NOX3: variants seen among roughly 807,000 people sequenced by gnomAD.
NOX3 encodes NADPH oxidase 3.
NOX3 carries 74 observed loss-of-function variants against 76.7 expected under a neutral mutation model. That is an observed-to-expected ratio of 0.96 (90% confidence interval 0.80 to 1.17). The LOEUF (loss-of-function observed/expected upper bound fraction) is 1.17. Among genes scored for constraint, NOX3 ranks in the 50% most tolerant of loss-of-function variants. The pLI is 0.00. For missense variants in NOX3, 695 were observed against 703.3 expected, an observed-to-expected ratio of 0.99 and a Z score of 0.13; for synonymous variants, 263 against 261.1, an observed-to-expected ratio of 1.01 and a Z score of -0.07.
rs557319392 is a variant in NOX3 at position 155,396,540 on chromosome 6, G to A, written c.*27+269C>T. ...CTGAGTGTGTGGATGGTCGATGTGC[G>A]AAAAGTGACTTTTACAATGTTTAAA... is the stretch of plus-strand genomic sequence containing the variant. On this transcript the variant is annotated intron_variant, in intron 13 of 13. Coordinates refer to ENST00000159060, the MANE Select transcript of NOX3 (RefSeq NM_015718.3). 2.8e-3 allele frequency among the ~76,000 whole-genome samples: 422 copies of A among 152,302 alleles called. 4 individuals are homozygous for A. Among genetic ancestry groups the A allele is most frequent in the African/African-American group, 9.4e-3 (390 of 41,564 alleles).
chr6:155,447,109 G>C (rs949481829), intron 4 of NOX3, among the ~76,000 whole-genome samples: 4 of 150,726 alleles, frequency 2.7e-5, no homozygotes, highest in African/African-American at 9.8e-5. Flanking sequence ...GCAATGGCGC[G>C]ATCTCAGCTA....
Position 155,428,888 on chromosome 6 carries a change from C to T in NOX3, c.1051G>A (p.Val351Met), listed in dbSNP as rs149980019. 6.4e-5 allele frequency: 104 copies of T among 1,613,490 alleles called. No individual in the cohort carries two copies. The Middle Eastern group carries it at 8.3e-4, about 13-fold the overall frequency. ...TSAPQEDFFSVHIRAAGDWTA... is the reference protein window; with the variant it reads ...TSAPQEDFFSMHIRAAGDWTA... Reference sequence around the variant, plus strand: ...CAGTCTCCTGCTGCCCGGATGTGCACGCTGAAAAAGTCCTCCTGGGGGGCA... The same window carrying T: ...CAGTCTCCTGCTGCCCGGATGTGCATGCTGAAAAAGTCCTCCTGGGGGGCA... The change falls in exon 9 of 14, where the codon GTG (valine) becomes ATG (methionine). Residue 351 changes from valine (V) to methionine (M), a missense_variant. Val to Met is a conservative substitution (Grantham distance 21, BLOSUM62 1). Transcript: ENST00000159060.
rs1289201144 is a variant in NOX3, at chr6:155,395,526, A to T, written c.*76T>A. ...TGGGAGCTCATATCAACAGGCCGTCACAGGAATTCCTGGTGGAGTTCTTTG... is the reference window on the plus strand; with the variant it reads ...TGGGAGCTCATATCAACAGGCCGTCTCAGGAATTCCTGGTGGAGTTCTTTG... On this transcript the variant is annotated 3_prime_UTR_variant, in exon 14 of 14. Transcript: ENST00000159060. 6.6e-6 allele frequency: 1 copy of T among 152,244 alleles called. No individual in the cohort carries two copies. The highest frequency in any genetic ancestry group is 1.5e-5 in the Non-Finnish European group (1 of 68,034). 9.4% of individuals were successfully genotyped at this position (152,244 alleles called of 1,614,324 possible). A position where few individuals can be genotyped will look rare whatever the true frequency, so the allele number is the denominator to read the frequency against.
At chr6:155,429,092 TAAAG>T in intron 8 of NOX3, 45 bp from the exon 9 acceptor site, 1 of 1,453,888 alleles carries the variant, frequency 6.9e-7, no homozygotes, top group East Asian at 2.5e-5. Flanking sequence ...CTCGAAATAA[TAAAG>T]AAACACCTTT....
At chr6:155,441,914 G>A (rs1727560719) in intron 5 of NOX3, among the ~76,000 whole-genome samples, 1 of 152,152 alleles carries the variant, frequency 6.6e-6, no homozygotes, top group South Asian at 2.1e-4. Context: ...CATAAGGGCA[G>A]CTGTAGTTCT....
In NOX3 at chr6:155,428,777, G is replaced by A. The variant is rs1562465736; in HGVS notation, c.1145+17C>T. The A allele has an allele frequency of 3.4e-6, 5 of 1,470,364 alleles. No homozygotes were observed. The highest frequency in any genetic ancestry group is 3.1e-5 in the South Asian group (2 of 64,582). The allele number at this position is 1,470,364 out of a possible 1,614,324, so 91.1% of individuals were successfully genotyped here. A position where few individuals can be genotyped will look rare whatever the true frequency, so the allele number is the denominator to read the frequency against. On this transcript the variant is annotated intron_variant, in intron 9 of 13. Transcript: ENST00000159060. Reference sequence around the variant, plus strand: ...TTATAATACTGCAATTTATACATGAGAGAAATGGGCACGAACCTTGGCAGG... The same window carrying A: ...TTATAATACTGCAATTTATACATGAAAGAAATGGGCACGAACCTTGGCAGG...
At chr6:155,446,255 G>T (rs938931008) in intron 4 of NOX3, among the ~76,000 whole-genome samples, 7 of 152,056 alleles carry the variant, frequency 4.6e-5, no homozygotes, top group Admixed American at 1.3e-4. Context: ...AGCTGGAAAG[G>T]CTTATCTAGC....
chr6:155,405,125 G>C (rs988833858), intron 12 of NOX3, among the ~76,000 whole-genome samples: 1 of 152,190 alleles, frequency 6.6e-6, no homozygotes, highest in Non-Finnish European at 1.5e-5. Flanking sequence ...AATGAAGCAT[G>C]CTGTCTCTGC....
chr6:155,429,174 C>T (rs1351626055), intron 8 of NOX3, 127 bp from the exon 9 acceptor site: 10 of 870,628 alleles, frequency 1.1e-5, no homozygotes, highest in Middle Eastern at 3.0e-4. Context: ...ATCCCATCTG[C>T]TGTTAGCTCC....
At position 155,411,265 on chromosome 6, in the gene NOX3, T is replaced by A. The variant is rs1358069137; in HGVS notation, c.1404A>T (p.Lys468Asn). ...SLETRMSEQGKTHFLSYHIFL... is the reference protein window; with the variant it reads ...SLETRMSEQGNTHFLSYHIFL... ...ATATATGATAACTCAGAAAGTGAGT[T>A]TTCCCCTGCTCACTCATCCGTGTTT... The change falls in exon 11 of 14, where the codon AAA (lysine) becomes AAT (asparagine). Residue 468 changes from lysine to asparagine, a missense_variant. Transcript: ENST00000159060. 1 of 1,613,992 alleles carries A rather than the reference T, an allele frequency of 6.2e-7. No homozygotes were observed. The highest frequency in any genetic ancestry group is 1.7e-5 in the Admixed American group (1 of 60,008).
rs748689134 is a variant in NOX3, at chr6:155,396,931, T to TAGGTCCACAGA, written c.1601_1611dup (p.Lys538SerfsTer67). On this transcript the variant is annotated frameshift_variant, in exon 13 of 14. Coordinates refer to ENST00000159060, the MANE Select transcript of NOX3 (RefSeq NM_015718.3). LOFTEE classifies it high-confidence loss of function. ...TTTTGAAGTGTCCTCGAGAGAGCTTTAGGTCCACAGAAGAACACGCCAATA... is the reference window on the plus strand; with the variant it reads ...TTTTGAAGTGTCCTCGAGAGAGCTTTAGGTCCACAGAAGGTCCACAGAAGAACACGCCAATA... The TAGGTCCACAGA allele has an allele frequency of 3.1e-6, 5 of 1,613,278 alleles. No individual in the cohort carries two copies. The highest frequency in any genetic ancestry group is 4.2e-6 in the Non-Finnish European group (5 of 1,179,412).
intron 4 of NOX3, among the ~76,000 whole-genome samples, chr6:155,450,463 C>T (rs12661812): frequency 0.089 from 13,574 of 152,244 alleles, 611 homozygotes; most frequent in African/African-American, 0.1. Context: ...GGCTCTCACT[C>T]ATCCTCAGTT....
Position 155,396,792 on chromosome 6 carries a change from T to G in NOX3, c.*27+17A>C, listed in dbSNP as rs771250694. 6 of 1,582,690 alleles carry G rather than the reference T, an allele frequency of 3.8e-6. No homozygotes were observed. The highest frequency in any genetic ancestry group is 5.2e-6 in the Non-Finnish European group (6 of 1,163,470). ...AGAGTTTCCCAATCCCTGACCTGTA[T>G]GATTGCAGCCACTTACACAATGCCT... On this transcript the variant is annotated intron_variant, in intron 13 of 13. Coordinates refer to ENST00000159060, the MANE Select transcript of NOX3 (RefSeq NM_015718.3).
chr6:155,433,444 G>A (rs968688379), intron 7 of NOX3, among the ~76,000 whole-genome samples: 14 of 152,224 alleles, frequency 9.2e-5, no homozygotes, highest in African/African-American at 3.4e-4. Context: ...GGTGTCTGAA[G>A]ACCTGGATTC....
In NOX3 at chr6:155,440,156, AC is replaced by A; in HGVS notation, c.487-20del. ...TTGTGTTCTAAAAAAAACAACAACA[AC>A]AAAAAAAGAAACAAACAAAAAAAAA... On this transcript the variant is annotated intron_variant, in intron 5 of 13. Transcript: ENST00000159060. 1 of 1,541,940 alleles carries A rather than the reference AC, an allele frequency of 6.5e-7. No individual in the cohort carries two copies.
chr6:155,408,311 T>C (rs1181677721), intron 11 of NOX3, among the ~76,000 whole-genome samples: 1 of 152,208 alleles, frequency 6.6e-6, no homozygotes, highest in Non-Finnish European at 1.5e-5. Context: ...GTTGCTGTCA[T>C]TTATTTTAGC....
At chr6:155,433,354 G>A (rs1039450775) in intron 7 of NOX3, among the ~76,000 whole-genome samples, 11 of 152,106 alleles carry the variant, frequency 7.2e-5, no homozygotes, top group Non-Finnish European at 1.5e-4. Context: ...AGTGATACCC[G>A]GGACAGACAA....
At chr6:155,452,069 A>G (rs969071732) in intron 4 of NOX3, among the ~76,000 whole-genome samples, 1 of 152,212 alleles carries the variant, frequency 6.6e-6, no homozygotes, top group Non-Finnish European at 1.5e-5. Flanking sequence ...TGTTATGCAG[A>G]AATCAAGCTA....
intron 11 of NOX3, among the ~76,000 whole-genome samples, chr6:155,410,532 T>C (rs147782265): frequency 1.3e-5 from 2 of 152,342 alleles, no homozygotes; most frequent in East Asian, 3.9e-4. Context: ...ATGTAGTAGT[T>C]ATCATTCAAT....
Sources: allele counts gnomAD v4.1 joint callset (sites outside exome capture counted in the v4.1 genomes callset), GRCh38; gene constraint gnomAD v4.1.1; transcripts MANE v1.5; gene names NCBI Gene and HGNC (gene_info 2026-07-23, HGNC 2026-07-21).